The following AHI1 variants were observed in gnomAD, a reference collection of about 807,000 sequenced individuals.
AHI1 encodes Abelson helper integration site 1.
Under a neutral mutation model 149.3 loss-of-function variants are expected in AHI1, and 123 were observed. That is an observed-to-expected ratio of 0.82 (90% CI 0.71 to 0.96). The LOEUF is 0.96. Among genes scored for constraint, AHI1 ranks in the 40% least tolerant of loss-of-function variants. The pLI, the probability that AHI1 is intolerant of heterozygous loss-of-function variation, is 0.00. For missense variants in AHI1, 1,439 were observed against 1,422.7 expected (o/e 1.01, Z -0.18); for synonymous variants, 475 against 459.8 (o/e 1.03, Z -0.42).
rs559629609 is a variant in AHI1, at chr6:135,466,227, A to T, written c.336T>A (p.Asn112Lys). ...RNTQLATENP[N>K]GDASVEEDKQ... Reference sequence around the variant, plus strand: ...TGTCTTCCTCTACACTAGCATCACCATTAGGATTTTCAGTTGCTAACTGTG... The same window carrying T: ...TGTCTTCCTCTACACTAGCATCACCTTTAGGATTTTCAGTTGCTAACTGTG... The change falls in exon 7 of 29, where the codon AAT becomes AAA. Residue 112 changes from asparagine (N) to lysine (K), a missense_variant. Physicochemically the swap from Asn to Lys is moderately conservative, Grantham distance 94. Transcript: ENST00000265602. 1 of 1,613,950 alleles carries T rather than the reference A, an allele frequency of 6.2e-7. No homozygotes were observed. The highest frequency in any genetic ancestry group is 8.5e-7 in the Non-Finnish European group (1 of 1,179,874).
At chr6:135,459,645 C>T (rs868617028) in intron 8 of AHI1, among the ~76,000 whole-genome samples, 32 of 149,664 alleles carry the variant, frequency 2.1e-4, no homozygotes, top group Middle Eastern at 3.4e-3. Flanking sequence ...TGAATGAAAA[C>T]ATGGGACAGC....
intron 12 of AHI1, among the ~76,000 whole-genome samples, chr6:135,447,657 T>C (rs533345935): frequency 6.6e-6 from 1 of 152,322 alleles, no homozygotes; most frequent in South Asian, 2.1e-4. Context: ...ATTAATGTCT[T>C]ACAAGAAACT....
chr6:135,423,567 T>C (rs536224048), intron 20 of AHI1, among the ~76,000 whole-genome samples: 1 of 152,280 alleles, frequency 6.6e-6, no homozygotes, highest in South Asian at 2.1e-4. Flanking sequence ...ATCATGTCAG[T>C]AGTAGAAACT....
intron 21 of AHI1, among the ~76,000 whole-genome samples, chr6:135,407,829 G>A (rs907460809): frequency 1.1e-4 from 17 of 151,896 alleles, no homozygotes; most frequent in Non-Finnish European, 2.2e-4. Flanking sequence ...TGGCTAACAC[G>A]GTGAAACCCC....
chr6:135,404,975 C>T lies in AHI1; in HGVS notation c.2964G>A (p.Glu988=), dbSNP rs1356996626. Residue 988 remains glutamate (E), a splice_region_variant and synonymous_variant, in exon 22 of 29, where the codon GAG becomes GAA. Coordinates refer to ENST00000265602, the MANE Select transcript of AHI1 (RefSeq NM_001134831.2). ...LVKQRLETVT[E]VIRSCAAKVN... ...CTTTTGCAGCACAGGAACGTATCAC[C>T]TCCTAAAAGAAATACAATAAAATAA... 5 of 1,605,950 alleles carry T rather than the reference C, an allele frequency of 3.1e-6. No individual in the cohort carries two copies. Among genetic ancestry groups the T allele is most frequent in the Non-Finnish European group, 4.3e-6 (5 of 1,173,798 alleles).
intron 22 of AHI1, among the ~76,000 whole-genome samples, chr6:135,404,081 T>G (rs1780405734): frequency 6.6e-6 from 1 of 152,144 alleles, no homozygotes; most frequent in Non-Finnish European, 1.5e-5. Flanking sequence ...CTAAATATAC[T>G]AACATTCTAA....
chr6:135,448,792 A>G, intron 11 of AHI1, among the ~76,000 whole-genome samples: 1 of 152,276 alleles, frequency 6.6e-6, no homozygotes, highest in South Asian at 2.1e-4. Flanking sequence ...ATCAATACAC[A>G]TGTTTGAAAT....
intron 27 of AHI1, 103 bp downstream of exon 27, chr6:135,300,397 C>T: frequency 1.9e-6 from 2 of 1,080,652 alleles, no homozygotes; most frequent in South Asian, 3.9e-5. Flanking sequence ...TGAAATTTAA[C>T]TTATAGTTTG....
In AHI1 at chr6:135,344,005, C is replaced by T. The variant is rs550371468; in HGVS notation, c.3165+14127G>A. On this transcript the variant is annotated intron_variant, in intron 24 of 28. Coordinates refer to ENST00000265602, the MANE Select transcript of AHI1 (RefSeq NM_001134831.2). ...TTGCAAATCATATACAGTCAACCTTCGGTACCCTTGGAGGATTGGTTCCAG... is the reference window on the plus strand; with the variant it reads ...TTGCAAATCATATACAGTCAACCTTTGGTACCCTTGGAGGATTGGTTCCAG... Among the ~76,000 whole-genome samples, 14 of 152,050 alleles carry T rather than the reference C, an allele frequency of 9.2e-5. No individual in the cohort carries two copies. In the South Asian group the frequency reaches 1.9e-3, roughly 20 times the overall value.
chr6:135,371,221 TTC>T (rs1346848953), intron 23 of AHI1, among the ~76,000 whole-genome samples: 1 of 152,210 alleles, frequency 6.6e-6, no homozygotes, highest in Non-Finnish European at 1.5e-5. Context: ...GTCTTGAGAT[TTC>T]TGTTTCATTG....
At chr6:135,381,638 C>A (rs1776779836) in intron 23 of AHI1, among the ~76,000 whole-genome samples, 2 of 152,174 alleles carry the variant, frequency 1.3e-5, no homozygotes, top group Admixed American at 1.3e-4. Flanking sequence ...ACTGCATGGG[C>A]AAGATAAATT....
At chr6:135,379,905 T>TTTCC (rs1304241132) in intron 23 of AHI1, among the ~76,000 whole-genome samples, 2 of 148,794 alleles carry the variant, frequency 1.3e-5, no homozygotes, top group East Asian at 2.0e-4. Context: ...CTCCCTTCCC[T>TTTCC]TTCCTTCCTT....
At chr6:135,424,933 G>A (rs113031329) in intron 20 of AHI1, among the ~76,000 whole-genome samples, 34 of 151,750 alleles carry the variant, frequency 2.2e-4, no homozygotes, top group African/African-American at 8.2e-4. Flanking sequence ...AAAAAATTAT[G>A]AGCAAAATAT....
At chr6:135,342,078 A>AGG (rs1469088421) in intron 24 of AHI1, among the ~76,000 whole-genome samples, 2 of 151,948 alleles carry the variant, frequency 1.3e-5, no homozygotes, top group African/African-American at 4.8e-5. Context: ...ACAAAAGGTA[A>AGG]GATCCAAATT....
chr6:135,437,711 C>T (rs915269053), intron 15 of AHI1, among the ~76,000 whole-genome samples: 79 of 152,092 alleles, frequency 5.2e-4, no homozygotes, highest in African/African-American at 1.8e-3. Flanking sequence ...TAATGTCTTA[C>T]CTAATAGCTG....
At position 135,466,009 on chromosome 6, in the gene AHI1, T is replaced by A; in HGVS notation, c.554A>T (p.Asp185Val). 2.5e-6 allele frequency: 4 copies of A among 1,614,008 alleles called. No homozygotes were observed. The highest frequency in any genetic ancestry group is 2.5e-6 in the Non-Finnish European group (3 of 1,179,890). ...EGREETDLEE[D>V]EELMQAYQCH... ...CTGATATGCTTGCATCAATTCTTCA[T>A]CCTCTTCTAAATCAGTCTCTTCTCT... is the stretch of plus-strand genomic sequence containing the variant. Residue 185 changes from aspartate to valine, a missense_variant, in exon 7 of 29, where the codon GAT becomes GTT. By Grantham distance (152) the Asp-to-Val change is radical (BLOSUM62 -3). Coordinates refer to ENST00000265602, the MANE Select transcript of AHI1 (RefSeq NM_001134831.2).
At chr6:135,297,502 C>A (rs1449756005) in intron 27 of AHI1, 1 of 456,206 alleles carries the variant, frequency 2.2e-6, no homozygotes, top group Non-Finnish European at 4.4e-6. Flanking sequence ...TCTGTAATTA[C>A]AATTTGCATC....
intron 11 of AHI1, among the ~76,000 whole-genome samples, chr6:135,450,047 G>A (rs1787861234): frequency 1.3e-5 from 2 of 152,120 alleles, no homozygotes; most frequent in Admixed American, 6.5e-5. Context: ...TCCAGCAGGT[G>A]ACTGAATTTA....
At chr6:135,305,780 C>G (rs1784465046) in intron 26 of AHI1, among the ~76,000 whole-genome samples, 1 of 152,172 alleles carries the variant, frequency 6.6e-6, no homozygotes, top group Non-Finnish European at 1.5e-5. Flanking sequence ...CCTTAACATG[C>G]CAGCCAAGGA....
Sources: allele counts gnomAD v4.1 joint callset (sites outside exome capture counted in the v4.1 genomes callset), GRCh38; gene constraint gnomAD v4.1.1; transcripts MANE v1.5; gene names NCBI Gene and HGNC (gene_info 2026-07-23, HGNC 2026-07-21).